The following WDFY3 variants were observed in gnomAD, a reference collection of about 807,000 sequenced individuals.
WDFY3 encodes WD repeat and FYVE domain-containing protein 3.
In WDFY3, 66 loss-of-function variants were observed where a neutral mutation model predicts 409.6. That is an observed-to-expected ratio of 0.16 (90% confidence interval 0.13 to 0.20). The LOEUF is 0.20. WDFY3 is among the 10% of genes least tolerant of loss of function. The pLI is 1.00. For missense variants in WDFY3, 3,031 were observed against 4,298.1 expected (o/e 0.71, Z 8.24); for synonymous variants, 1,521 against 1,537.1 (o/e 0.99, Z 0.25).
intron 46 of WDFY3, 140 bp from the exon 47 acceptor site, chr4:84,721,712 T>C (rs746150908): frequency 6.4e-6 from 6 of 935,200 alleles, no homozygotes; most frequent in Non-Finnish European, 9.2e-6. Flanking sequence ...ATTCAGTGGT[T>C]AAGAACATAG....
chr4:84,791,970 G>A (rs1473457), intron 21 of WDFY3, among the ~76,000 whole-genome samples: 152,301 of 152,306 alleles, frequency 1, 76,148 homozygotes, highest in Non-Finnish European at 1. Flanking sequence ...GCAAGACAGC[G>A]GTGGAAAACC....
At chr4:84,947,935 CA>C (rs929123494) in intron 1 of WDFY3, among the ~76,000 whole-genome samples, 5 of 152,044 alleles carry the variant, frequency 3.3e-5, no homozygotes, top group Non-Finnish European at 5.9e-5. Flanking sequence ...ATGAGATCCT[CA>C]AAGCAACTCT....
intron 4 of WDFY3, among the ~76,000 whole-genome samples, chr4:84,858,532 C>T (rs1760085695): frequency 1.3e-5 from 2 of 151,424 alleles, no homozygotes; most frequent in Admixed American, 1.3e-4. Context: ...TGACAGAGGT[C>T]CAGAAAAGGG....
At chr4:84,906,910 C>T (rs928537865) in intron 2 of WDFY3, among the ~76,000 whole-genome samples, 33 of 151,940 alleles carry the variant, frequency 2.2e-4, no homozygotes, top group Non-Finnish European at 4.3e-4. Flanking sequence ...TTCTAGATTA[C>T]TTATAATACC....
intron 67 of WDFY3, among the ~76,000 whole-genome samples, chr4:84,673,719 T>C (rs567547228): frequency 2.6e-5 from 4 of 152,040 alleles, no homozygotes; most frequent in Non-Finnish European, 5.9e-5. Flanking sequence ...CAGGTGTGAC[T>C]CAGGATGTGG....
Position 84,820,085 on chromosome 4 carries a change from C to A in WDFY3, c.1693G>T (p.Gly565Ter). 1 of 1,594,306 alleles carries A rather than the reference C, an allele frequency of 6.3e-7. No homozygotes were observed. Among genetic ancestry groups the A allele is most frequent in the East Asian group, 2.3e-5 (1 of 44,182 alleles). ...VLLQGSNTNA[G>*]IFREFGGARC... ...ATTTGCTTGCAGCTTTTTAAATTAC[C>A]TGCATTTGTGTTTGATCCTTGAAGA... is the stretch of plus-strand genomic sequence containing the variant. The change falls in exon 12 of 68, where the codon GGA becomes TGA. Residue 565 changes from glycine (G) to a stop codon, truncating the protein, a stop_gained and splice_region_variant. Coordinates refer to ENST00000295888, the MANE Select transcript of WDFY3 (RefSeq NM_014991.6). LOFTEE classifies it high-confidence loss of function.
intron 2 of WDFY3, among the ~76,000 whole-genome samples, chr4:84,919,912 A>C (rs770340897): frequency 2.0e-5 from 3 of 152,216 alleles, no homozygotes; most frequent in Non-Finnish European, 4.4e-5. Context: ...AATTTCCATC[A>C]CAAATGAACG....
intron 1 of WDFY3, among the ~76,000 whole-genome samples, chr4:84,955,845 G>A (rs1045251051): frequency 2.6e-5 from 4 of 152,102 alleles, no homozygotes; most frequent in Non-Finnish European, 4.4e-5. Context: ...TATTTAAAGT[G>A]TTGAATCCTA....
intron 32 of WDFY3, among the ~76,000 whole-genome samples, chr4:84,761,882 T>C (rs2149363495): frequency 6.6e-6 from 1 of 152,284 alleles, no homozygotes; most frequent in East Asian, 1.9e-4. Context: ...TCACTGGCCA[T>C]CAGAGAAATG....
chr4:84,913,294 C>A lies in WDFY3; in HGVS notation c.-131-16284G>T, dbSNP rs75747570. Among the ~76,000 whole-genome samples, 16 of 152,202 alleles carry A rather than the reference C, an allele frequency of 1.1e-4. 1 individual carries two copies. In the East Asian group the frequency reaches 3.1e-3, roughly 29 times the overall value. On this transcript the variant is annotated intron_variant, in intron 2 of 67. Transcript: ENST00000295888. ...TAGAAAAATGACACCATAGAAGATG[C>A]CATCATTGTTACAGAAGAAGCCATA...
Position 84,740,324 on chromosome 4 carries a change from G to A in WDFY3, c.6327C>T (p.Thr2109=), listed in dbSNP as rs764029325. 2.1e-5 allele frequency: 34 copies of A among 1,613,930 alleles called. No individual in the cohort carries two copies. The highest frequency in any genetic ancestry group is 1.5e-4 in the Admixed American group (9 of 59,990). Residue 2109 remains threonine, a synonymous_variant, in exon 39 of 68, where the codon ACC becomes ACT. Transcript: ENST00000295888. ...ILYQFSRAHK[T]VPQQVALLDS... The stretch of plus-strand genomic sequence containing the variant: ...CAAGCAGAGCTACTTGCTGAGGAAC[G>A]GTTTTGTGTGCCCGTGAGAACTGGT...
chr4:84,880,672 T>TACAC (rs1259663195), intron 3 of WDFY3, among the ~76,000 whole-genome samples: 6 of 74,632 alleles, frequency 8.0e-5, no homozygotes, highest in Non-Finnish European at 1.2e-4. Context: ...AAGGGAACCA[T>TACAC]ACATATATAT....
intron 64 of WDFY3, among the ~76,000 whole-genome samples, chr4:84,681,361 T>C (rs911631537): frequency 6.6e-6 from 1 of 152,200 alleles, no homozygotes; most frequent in Non-Finnish European, 1.5e-5. Context: ...ATATCTGACA[T>C]ATAACAGGTA....
intron 3 of WDFY3, among the ~76,000 whole-genome samples, chr4:84,879,813 GAAC>G (rs1168872667): frequency 6.6e-6 from 1 of 152,032 alleles, no homozygotes; most frequent in East Asian, 1.9e-4. Flanking sequence ...ATAGAAAAAT[GAAC>G]AAAAGACAAA....
At position 84,721,587 on chromosome 4, in the gene WDFY3, C is replaced by A. The variant is rs1734858515; in HGVS notation, c.7442-15G>T. On this transcript the variant is annotated splice_polypyrimidine_tract_variant and intron_variant, in intron 46 of 67. Coordinates refer to ENST00000295888, the MANE Select transcript of WDFY3 (RefSeq NM_014991.6). ...CTTGACCAAACCTACAGTATAATAA[C>A]CAAGAGGGCCATGTGGCATTGTAAG... The A allele has an allele frequency of 6.2e-7, 1 of 1,601,162 alleles. No individual in the cohort carries two copies. The highest frequency in any genetic ancestry group is 1.3e-5 in the African/African-American group (1 of 74,988).
At chr4:84,812,680 T>A (rs1341586477) in intron 13 of WDFY3, among the ~76,000 whole-genome samples, 1 of 152,126 alleles carries the variant, frequency 6.6e-6, no homozygotes, top group South Asian at 2.1e-4. Flanking sequence ...ATGTACAAAA[T>A]GCTATCACTG....
intron 56 of WDFY3, among the ~76,000 whole-genome samples, chr4:84,700,941 C>T (rs1560555303): frequency 6.6e-6 from 1 of 152,116 alleles, no homozygotes; most frequent in South Asian, 2.1e-4. Context: ...GAAACCCCGT[C>T]TCTACTAAAA....
rs150629757 is a variant in WDFY3 at position 84,745,362 on chromosome 4, A to C, written c.5974-1563T>G. Among the ~76,000 whole-genome samples, 653 of 152,316 alleles carry C rather than the reference A, an allele frequency of 4.3e-3. 4 individuals carry two copies. The highest frequency in any genetic ancestry group is 0.015 in the African/African-American group (612 of 41,568). On this transcript the variant is annotated intron_variant, in intron 36 of 67. Coordinates refer to ENST00000295888, the MANE Select transcript of WDFY3 (RefSeq NM_014991.6). The stretch of plus-strand genomic sequence containing the variant: ...TATTGAGGTTTTGCAAGTGAAATGG[A>C]AGAACCTACTTATTCTTGAATAGAG...
chr4:84,729,271 T>C (rs959176036), intron 44 of WDFY3, among the ~76,000 whole-genome samples: 1 of 151,968 alleles, frequency 6.6e-6, no homozygotes, highest in African/African-American at 2.4e-5. Context: ...TTTCCTCCCT[T>C]AGGATTCAGA....
Sources: gnomAD v4.1 joint callset for allele counts (sites outside exome capture counted in the v4.1 genomes callset) on GRCh38, gnomAD v4.1.1 for gene constraint, MANE v1.5 for transcripts, NCBI Gene and HGNC (gene_info 2026-07-23, HGNC 2026-07-21) for gene names.